Variants in ARHGEF7 observed in about 807,000 individuals in gnomAD.
The protein encoded by ARHGEF7 is PAK-interacting exchange factor beta.
In ARHGEF7, 33 loss-of-function variants were observed where a neutral mutation model predicts 109.8. That is an observed-to-expected ratio of 0.30 (90% CI 0.23 to 0.40). The LOEUF is 0.40. Ranked by LOEUF, ARHGEF7 falls within the 10% of genes least tolerant of loss-of-function variation. The pLI is 1.00. For synonymous variants in ARHGEF7, 458 were observed against 424.6 expected (o/e 1.08, Z -0.97); for missense variants, 938 against 1,098.5 (o/e 0.85, Z 2.07).
rs1461577830 is a variant in ARHGEF7, at chr13:111,203,111, T to G, written c.253-2178T>G. On this transcript the variant is annotated intron_variant, in intron 2 of 21. Transcript: ENST00000646102. ...GTTTTGTGACTTGCTGCCTTGCCACTATGAAGGTTAGTAGAAATTTATGTA... is the reference window on the plus strand; with the variant it reads ...GTTTTGTGACTTGCTGCCTTGCCACGATGAAGGTTAGTAGAAATTTATGTA... 11 of 1,280,770 alleles carry G rather than the reference T, an allele frequency of 8.6e-6. 1 individual carries two copies. Among genetic ancestry groups the G allele is most frequent in the Non-Finnish European group, 1.0e-5 (10 of 986,694 alleles). 79.3% of individuals were successfully genotyped at this position (1,280,770 alleles called of 1,614,324 possible).
rs1376519581 is a variant in ARHGEF7, at chr13:111,239,147, T to C, written c.760-4725T>C. ...CCTGCTCCCCCACACCCCCGTGCCA[T>C]GATTCAGTTACCTCCACCCTGTCCC... On this transcript the variant is annotated intron_variant, in intron 6 of 21. Transcript: ENST00000646102. The surrounding 1 kb of genome is among the most constrained non-coding windows in gnomAD (Gnocchi z 4.3). Among the ~76,000 whole-genome samples, 1 of 152,126 alleles carries C rather than the reference T, an allele frequency of 6.6e-6. No individual in the cohort carries two copies. Among genetic ancestry groups the C allele is most frequent in the Non-Finnish European group, 1.5e-5 (1 of 68,014 alleles).
At chr13:111,261,347 C>T (rs1252214750) in intron 8 of ARHGEF7, among the ~76,000 whole-genome samples, 1 of 152,010 alleles carries the variant, frequency 6.6e-6, no homozygotes, top group African/African-American at 2.4e-5. Context: ...AAATAGATTT[C>T]AAGACAAAAG....
intron 8 of ARHGEF7, among the ~76,000 whole-genome samples, chr13:111,260,240 A>AAT (rs2090941215): frequency 6.6e-6 from 1 of 152,266 alleles, no homozygotes; most frequent in African/African-American, 2.4e-5. Context: ...GAAAGGTATC[A>AAT]ATATTCAAGT....
intron 16 of ARHGEF7, among the ~76,000 whole-genome samples, chr13:111,285,426 G>A (rs1489108688): frequency 6.6e-6 from 1 of 152,118 alleles, no homozygotes; most frequent in Admixed American, 6.5e-5. Context: ...TATTTAACAC[G>A]TGCTTGACAG....
intron 13 of ARHGEF7, 148 bp from the exon 14 acceptor site, chr13:111,280,124 A>G (rs2092703051): frequency 1.3e-6 from 1 of 743,218 alleles, no homozygotes; most frequent in African/African-American, 1.8e-5. Context: ...TGTATTATAC[A>G]CACATCTGCT....
At chr13:111,244,092 T>G in intron 7 of ARHGEF7, 107 bp from the exon 8 acceptor site, 1 of 1,194,208 alleles carries the variant, frequency 8.4e-7, no homozygotes, top group Non-Finnish European at 1.2e-6. Context: ...GCCTTAGACA[T>G]CAGCTGTTTA....
intron 5 of ARHGEF7, among the ~76,000 whole-genome samples, chr13:111,221,524 T>TATATATATCTATATATAG (rs2084289901): frequency 3.0e-5 from 1 of 32,864 alleles, no homozygotes; most frequent in African/African-American, 9.2e-5. Context: ...GATATATATC[T>TATATATATCTATATATAG]ATATATATCT....
In ARHGEF7 at chr13:111,288,433, A is replaced by G. The variant is rs201773499; in HGVS notation, c.2124A>G (p.Thr708=). The stretch of plus-strand genomic sequence containing the variant: ...GCACCAGCGCCAAAACAAGGCAAAC[A>G]CTCAATTCAAGTAAGTTTAGCAATA... ...AYCTSAKTRQ[T]LNSTWQGTDL... Residue 708 remains threonine, a synonymous_variant, in exon 18 of 22, where the codon ACA becomes ACG. Transcript: ENST00000646102. 8 of 1,612,202 alleles carry G rather than the reference A, an allele frequency of 5.0e-6. No individual in the cohort carries two copies. The African/African-American group carries it at 9.3e-5, about 19-fold the overall frequency.
intron 5 of ARHGEF7, among the ~76,000 whole-genome samples, 156 bp from the exon 6 acceptor site, chr13:111,233,049 A>C (rs2086314090): frequency 6.6e-6 from 1 of 152,102 alleles, no homozygotes; most frequent in South Asian, 2.1e-4. Context: ...TTTCTGGGGC[A>C]CTGAGGGTCA....
chr13:111,190,905 T>A (rs1046155321), intron 2 of ARHGEF7, among the ~76,000 whole-genome samples: 1 of 152,180 alleles, frequency 6.6e-6, no homozygotes, highest in South Asian at 2.1e-4. Flanking sequence ...CTTGCCAAGG[T>A]AGCTCTGGTG....
intron 6 of ARHGEF7, among the ~76,000 whole-genome samples, chr13:111,237,508 A>C (rs2086998036): frequency 6.6e-6 from 1 of 152,246 alleles, no homozygotes; most frequent in Non-Finnish European, 1.5e-5. Flanking sequence ...TCTTTAATTT[A>C]GGGCTTTCTC....
chr13:111,167,709 C>G (rs750367686), intron 2 of ARHGEF7, among the ~76,000 whole-genome samples: 3 of 152,352 alleles, frequency 2.0e-5, no homozygotes, highest in East Asian at 1.9e-4. Flanking sequence ...TCTCTCCCTC[C>G]TAAATACCCT....
At chr13:111,155,860 G>A (rs999902272) in intron 2 of ARHGEF7, among the ~76,000 whole-genome samples, 13 of 152,288 alleles carry the variant, frequency 8.5e-5, no homozygotes, top group African/African-American at 3.1e-4. Flanking sequence ...TGGATCACAT[G>A]AGGTCGGGAG....
At chr13:111,174,936 C>T (rs993612000) in intron 2 of ARHGEF7, among the ~76,000 whole-genome samples, 1 of 152,196 alleles carries the variant, frequency 6.6e-6, no homozygotes, top group African/African-American at 2.4e-5. Flanking sequence ...AACCTAAAAG[C>T]TCCATCTGTT....
intron 1 of ARHGEF7, among the ~76,000 whole-genome samples, chr13:111,140,796 G>C (rs2075309884): frequency 1.3e-5 from 2 of 152,064 alleles, no homozygotes; most frequent in South Asian, 2.1e-4. Context: ...GGGCTCCAGT[G>C]AACCTCCAGA....
At chr13:111,154,032 G>C in intron 2 of ARHGEF7, 41 bp downstream of exon 2, 1 of 1,570,348 alleles carries the variant, frequency 6.4e-7, no homozygotes, top group Non-Finnish European at 8.6e-7. Context: ...GGGCCGGGAA[G>C]ACGGGGTTGG....
chr13:111,247,273 CTTT>C (rs5806892), intron 8 of ARHGEF7, among the ~76,000 whole-genome samples: 1 of 146,314 alleles, frequency 6.8e-6, no homozygotes. Context: ...CATACTCATT[CTTT>C]TTTTTTTTTT....
rs145003148 is a variant in ARHGEF7, at chr13:111,282,006, C to T, written c.1726-1133C>T. Among the ~76,000 whole-genome samples, 842 of 152,322 alleles carry T rather than the reference C, an allele frequency of 5.5e-3. 5 individuals carry two copies. Among genetic ancestry groups the T allele is most frequent in the African/African-American group, 0.02 (821 of 41,576 alleles). ...GAAACAAAACCAGACACTGCTTTGA[C>T]GTTGTTGCTAGAAGGGATGTCTTAC... On this transcript the variant is annotated intron_variant, in intron 15 of 21. Transcript: ENST00000646102.
At chr13:111,278,338 A>G (rs1323726681) in intron 13 of ARHGEF7, among the ~76,000 whole-genome samples, 2 of 152,116 alleles carry the variant, frequency 1.3e-5, no homozygotes, top group Non-Finnish European at 2.9e-5. Flanking sequence ...GAAGTTACAG[A>G]GGCTCATATC....
Sources: gnomAD v4.1 joint callset for allele counts (sites outside exome capture counted in the v4.1 genomes callset) on GRCh38, gnomAD v4.1.1 for gene constraint, Gnocchi (gnomAD v3.1) non-coding constraint, MANE v1.5 for transcripts, NCBI Gene and HGNC (gene_info 2026-07-23, HGNC 2026-07-21) for gene names.